The following CDHR2 variants were observed in gnomAD, a reference collection of about 807,000 sequenced individuals.
The protein encoded by CDHR2 is cadherin-related family member 2.
Under a neutral mutation model 138.6 loss-of-function variants are expected in CDHR2, and 104 were observed. The ratio of observed to expected loss-of-function variants is 0.75; its 90% CI spans 0.64 to 0.88. CDHR2 has a LOEUF of 0.88. Among genes scored for constraint, CDHR2 ranks in the 40% least tolerant of loss-of-function variants. The probability of loss-of-function intolerance (pLI) is 0.00; values close to 1 mark genes in which losing one functional copy is unlikely to be tolerated. For synonymous variants in CDHR2, 755 were observed against 742.8 expected, an observed-to-expected ratio of 1.02 and a Z score of -0.27; for missense variants, 1,624 against 1,727.6, an observed-to-expected ratio of 0.94 and a Z score of 1.06.
At position 176,577,442 on chromosome 5, in the gene CDHR2, C is replaced by T. The variant is rs1305519098; in HGVS notation, c.1238C>T (p.Ala413Val). The T allele has an allele frequency of 2.5e-6, 4 of 1,610,264 alleles. No homozygotes were observed. In the Admixed American group the frequency reaches 6.7e-5, roughly 27 times the overall value. Residue 413 changes from alanine to valine, a missense_variant, in exon 13 of 32, where the codon GCA (alanine) becomes GTA (valine). Transcript: ENST00000261944. ...CTGTTGTCGCTGGGGGGCCCCGATGCAGAAGCCTTCAGCGTCTCCCCGGAG... is the reference window on the plus strand; with the variant it reads ...CTGTTGTCGCTGGGGGGCCCCGATGTAGAAGCCTTCAGCGTCTCCCCGGAG... ...TFLLSLGGPD[A>V]EAFSVSPERA... is the part of the protein sequence containing the mutation.
At position 176,575,885 on chromosome 5, in the gene CDHR2, C is replaced by T. The variant is rs759408181; in HGVS notation, c.960+46C>T. On this transcript the variant is annotated intron_variant, in intron 11 of 31. Transcript: ENST00000261944. The stretch of plus-strand genomic sequence containing the variant: ...CCCTGTCAGAACCCTGCTCTCTAAC[C>T]TCTGGCCTTTGATCTCTCTCTCTGA... 8 of 1,554,272 alleles carry T rather than the reference C, an allele frequency of 5.1e-6. 1 individual carries two copies. The South Asian group carries it at 7.1e-5, about 14-fold the overall frequency.
chr5:176,591,710 TTGG>T lies in CDHR2; in HGVS notation c.3734+229_3734+231del, dbSNP rs536423186. On this transcript the variant is annotated intron_variant, in intron 30 of 31. Coordinates refer to ENST00000261944, the MANE Select transcript of CDHR2 (RefSeq NM_017675.6). ...AACAATGATGGTGGTGATGATGGTG[TTGG>T]TGTTGAGGTGATGGTGATGGTTGTG... The T allele has an allele frequency of 2.9e-3, 1,526 of 528,520 alleles. 45 individuals are homozygous for T. The African/African-American group carries it at 0.03, about 10-fold the overall frequency. The allele number at this position is 528,520 out of a possible 1,614,324, so 32.7% of individuals were successfully genotyped here.
chr5:176,548,693 A>C (rs1329826142), upstream of CDHR2, among the ~76,000 whole-genome samples: 6 of 152,174 alleles, frequency 3.9e-5, no homozygotes, highest in Admixed American at 2.6e-4. Flanking sequence ...CAGTGAGCCA[A>C]GATTGTGCCA....
chr5:176,592,191 A>T lies in CDHR2; in HGVS notation c.3735-532A>T, dbSNP rs1225417377. ...TGGTGGTGGTGTTGGTGTTGAGGTG[A>T]TGATGGTGCTGATGGTGATGGTGGT... On this transcript the variant is annotated intron_variant, in intron 30 of 31. Coordinates refer to ENST00000261944, the MANE Select transcript of CDHR2 (RefSeq NM_017675.6). Among the ~76,000 whole-genome samples the T allele has an allele frequency of 2.3e-4, 28 of 120,514 alleles. No homozygotes were observed. In the South Asian group the frequency reaches 5.9e-3, roughly 25 times the overall value. 79.1% of individuals were successfully genotyped at this position (120,514 alleles called of 152,430 possible). A position where few individuals can be genotyped will look rare whatever the true frequency, so the allele number is the denominator to read the frequency against.
At chr5:176,594,422 G>A (rs1758966803) in intron 31 of CDHR2, among the ~76,000 whole-genome samples, 1 of 152,234 alleles carries the variant, frequency 6.6e-6, no homozygotes, top group Non-Finnish European at 1.5e-5. Context: ...CCACACGTCT[G>A]TGTGGTAGGT....
intron 28 of CDHR2, 140 bp from the exon 29 acceptor site, chr5:176,591,069 CT>C (rs1758830255): frequency 1.6e-6 from 1 of 641,052 alleles, no homozygotes; most frequent in African/African-American, 1.8e-5. Flanking sequence ...CACTTGCCTT[CT>C]CTGGCTCTTA....
chr5:176,575,494 GC>G lies in CDHR2; in HGVS notation c.769-8del. Reference sequence around the variant, plus strand: ...GGGAAGTTTGAGGAGCACTGACCAGGCCCCATTCCAGGGAACCTCGGTGCTG... The same window carrying G: ...GGGAAGTTTGAGGAGCACTGACCAGGCCCATTCCAGGGAACCTCGGTGCTG... On this transcript the variant is annotated splice_polypyrimidine_tract_variant and intron_variant, in intron 9 of 31. Coordinates refer to ENST00000261944, the MANE Select transcript of CDHR2 (RefSeq NM_017675.6). 1.2e-6 allele frequency: 2 copies of G among 1,614,158 alleles called. No individual in the cohort carries two copies. Among genetic ancestry groups the G allele is most frequent in the Non-Finnish European group, 1.7e-6 (2 of 1,180,004 alleles).
Position 176,575,715 on chromosome 5 carries a change from C to T in CDHR2, c.845-9C>T. ...GCTGTTCCAGCTGTTCCGCCTTTCTCCTTGCCAGACTCCACGCGGCCCGGC... is the reference window on the plus strand; with the variant it reads ...GCTGTTCCAGCTGTTCCGCCTTTCTTCTTGCCAGACTCCACGCGGCCCGGC... On this transcript the variant is annotated splice_polypyrimidine_tract_variant and intron_variant, in intron 10 of 31. Transcript: ENST00000261944. 1.3e-6 allele frequency: 2 copies of T among 1,586,586 alleles called. No individual in the cohort carries two copies. The highest frequency in any genetic ancestry group is 1.7e-6 in the Non-Finnish European group (2 of 1,166,346).
At chr5:176,559,055 G>A (rs1358657276) in intron 1 of CDHR2, among the ~76,000 whole-genome samples, 1 of 152,196 alleles carries the variant, frequency 6.6e-6, no homozygotes, top group Admixed American at 6.5e-5. Flanking sequence ...TCTTAACGTG[G>A]TTAGCTTGGG....
intron 1 of CDHR2, among the ~76,000 whole-genome samples, chr5:176,558,916 A>G (rs907557815): frequency 6.6e-6 from 1 of 152,174 alleles, no homozygotes; most frequent in African/African-American, 2.4e-5. Flanking sequence ...AAGAGTTTGG[A>G]TAGGGCATAG....
At chr5:176,577,843 G>GT in intron 14 of CDHR2, 45 bp downstream of exon 14, 1 of 1,594,454 alleles carries the variant, frequency 6.3e-7, no homozygotes, top group Non-Finnish European at 8.5e-7. Context: ...CCAGCAAGCG[G>GT]GCGTGCATGT....
chr5:176,584,049 T>G (rs1400098681), intron 17 of CDHR2, 141 bp from the exon 18 acceptor site: 7 of 722,886 alleles, frequency 9.7e-6, no homozygotes, highest in Non-Finnish European at 1.7e-5. Context: ...AGAGCCTGTC[T>G]CCTCATCTGG....
intron 17 of CDHR2, among the ~76,000 whole-genome samples, chr5:176,582,449 TAA>T (rs1018495225): frequency 5.5e-5 from 8 of 144,914 alleles, no homozygotes; most frequent in African/African-American, 1.9e-4. Flanking sequence ...ATTACAGGCA[TAA>T]GTCACTGAGC....
intron 31 of CDHR2, among the ~76,000 whole-genome samples, chr5:176,593,696 C>T (rs1177353419): frequency 3.9e-5 from 6 of 152,342 alleles, no homozygotes; most frequent in East Asian, 1.9e-4. Flanking sequence ...GGCTGGGTCC[C>T]AGGCCACTAG....
Position 176,577,677 on chromosome 5 carries a change from C to T in CDHR2, c.1391C>T (p.Ala464Val). 1 of 1,614,238 alleles carries T rather than the reference C, an allele frequency of 6.2e-7. No homozygotes were observed. The highest frequency in any genetic ancestry group is 2.2e-5 in the East Asian group (1 of 44,880). ...TCCGTCAGCCAGAACTTCTCCGTCG[C>T]CATGGTGACCATCCACCTTAGAGAC... Reference protein sequence around the residue: ...TDSVSQNFSVAMVTIHLRDIN... With the variant: ...TDSVSQNFSVVMVTIHLRDIN... The change falls in exon 14 of 32, where the codon GCC (alanine) becomes GTC (valine). Residue 464 changes from alanine to valine, a missense_variant. Coordinates refer to ENST00000261944, the MANE Select transcript of CDHR2 (RefSeq NM_017675.6).
intron 31 of CDHR2, among the ~76,000 whole-genome samples, chr5:176,594,780 C>G (rs1758978747): frequency 6.6e-6 from 1 of 152,126 alleles, no homozygotes; most frequent in Non-Finnish European, 1.5e-5. Flanking sequence ...GGGGCTCTGG[C>G]CCTGTGGGTG....
chr5:176,549,985 G>C (rs577210941), intron 1 of CDHR2, among the ~76,000 whole-genome samples: 1 of 152,344 alleles, frequency 6.6e-6, no homozygotes, highest in East Asian at 1.9e-4. Flanking sequence ...GTGTCAGGCA[G>C]GGACTGACCC....
intron 5 of CDHR2, among the ~76,000 whole-genome samples, chr5:176,569,441 G>A (rs1301389084): frequency 2.0e-5 from 3 of 151,810 alleles, no homozygotes; most frequent in Non-Finnish European, 2.9e-5. Flanking sequence ...CAGCCACCAC[G>A]CCCGGCTAAT....
intron 21 of CDHR2, among the ~76,000 whole-genome samples, chr5:176,587,688 G>T (rs1298255518): frequency 1.3e-5 from 2 of 152,112 alleles, no homozygotes; most frequent in East Asian, 3.9e-4. Context: ...CCAGAAGGTG[G>T]CATGTGGGTG....
Sources: gnomAD v4.1 joint callset for allele counts (sites outside exome capture counted in the v4.1 genomes callset) on GRCh38, gnomAD v4.1.1 for gene constraint, MANE v1.5 for transcripts, NCBI Gene and HGNC (gene_info 2026-07-23, HGNC 2026-07-21) for gene names.